The following GPM6A variants were observed in gnomAD, a reference collection of about 807,000 sequenced individuals.
GPM6A encodes neuronal membrane glycoprotein M6-a.
GPM6A carries 7 observed loss-of-function variants against 32.1 expected under a neutral mutation model. The observed-to-expected ratio is 0.22, with a 90% CI of 0.12 to 0.41. GPM6A has a LOEUF of 0.41. GPM6A is among the 10% of genes least tolerant of loss of function. GPM6A has a pLI of 1.00. For missense variants in GPM6A, 235 were observed against 347.2 expected (o/e 0.68, Z 2.57); for synonymous variants, 130 against 123.4 (o/e 1.05, Z -0.35).
chr4:175,678,977 T>G (rs1182495219), intron 2 of GPM6A, among the ~76,000 whole-genome samples: 1 of 152,180 alleles, frequency 6.6e-6, no homozygotes, highest in East Asian at 1.9e-4. Context: ...ATAGAGAACA[T>G]CTTCACAGTG....
At chr4:175,819,455 T>C (rs181309085) in intron 1 of GPM6A, among the ~76,000 whole-genome samples, 4 of 152,180 alleles carry the variant, frequency 2.6e-5, no homozygotes, top group Admixed American at 6.5e-5. Flanking sequence ...CAAAGTATGA[T>C]AGGTGCAATT....
chr4:175,710,100 C>A (rs1745447818), intron 1 of GPM6A, among the ~76,000 whole-genome samples: 1 of 152,120 alleles, frequency 6.6e-6, no homozygotes, highest in Non-Finnish European at 1.5e-5. Context: ...TAATGACTAT[C>A]ATAATAAGTA....
At position 175,853,685 on chromosome 4, in the gene GPM6A, A is replaced by C. The variant is rs1281414983; in HGVS notation, c.-22-41436T>G. Reference sequence around the variant, plus strand: ...TCAAAACAAAAAAGGAAAGGAAAATACCCAACAAATAAGAGTTGTGGCAAC... The same window carrying C: ...TCAAAACAAAAAAGGAAAGGAAAATCCCCAACAAATAAGAGTTGTGGCAAC... On this transcript the variant is annotated intron_variant, in intron 1 of 7. Coordinates refer to the GPM6A transcript ENST00000280187. 2.6e-5 allele frequency among the ~76,000 whole-genome samples: 4 copies of C among 152,056 alleles called. No individual in the cohort carries two copies. The South Asian group carries it at 8.3e-4, about 31-fold the overall frequency.
chr4:175,923,106 T>C (rs924898531), intron 1 of GPM6A, among the ~76,000 whole-genome samples: 5 of 151,520 alleles, frequency 3.3e-5, no homozygotes, highest in African/African-American at 1.2e-4. Flanking sequence ...TTTATAAATC[T>C]TTTTCTAGAA....
At chr4:175,686,724 A>G (rs1444686445) in intron 2 of GPM6A, among the ~76,000 whole-genome samples, 1 of 152,236 alleles carries the variant, frequency 6.6e-6, no homozygotes, top group African/African-American at 2.4e-5. Flanking sequence ...TTAAGCCAAC[A>G]GTTTGTGGCT....
intron 1 of GPM6A, among the ~76,000 whole-genome samples, chr4:175,847,274 C>T (rs901208040): frequency 6.6e-6 from 1 of 152,142 alleles, no homozygotes; most frequent in African/African-American, 2.4e-5. Flanking sequence ...GCTCAGAGTA[C>T]AGTAATTTCA....
chr4:175,948,747 G>T (rs868763180), intron 1 of GPM6A, among the ~76,000 whole-genome samples: 1 of 143,198 alleles, frequency 7.0e-6, no homozygotes, highest in East Asian at 1.9e-4. Flanking sequence ...CCTTCTGCAG[G>T]AATCCTGAAA....
chr4:175,965,540 A>C (rs1225577733), intron 1 of GPM6A, among the ~76,000 whole-genome samples: 1 of 152,148 alleles, frequency 6.6e-6, no homozygotes, highest in Non-Finnish European at 1.5e-5. Context: ...ATACACCTCT[A>C]GTTAGGTTAA....
chr4:175,892,016 C>T (rs2111477513), intron 1 of GPM6A, among the ~76,000 whole-genome samples: 1 of 152,294 alleles, frequency 6.6e-6, no homozygotes, highest in Admixed American at 6.5e-5. Context: ...TGTGTGTTGA[C>T]ACAGACTCAA....
At chr4:175,637,696 T>C (rs1323063357) in intron 6 of GPM6A, among the ~76,000 whole-genome samples, 1 of 1,864 alleles carries the variant, frequency 5.4e-4, no homozygotes, top group African/African-American at 1.6e-3. Context: ...ATATATAATA[T>C]ATTATATATT....
At chr4:175,668,052 A>G (rs1454755804) in intron 3 of GPM6A, among the ~76,000 whole-genome samples, 1 of 152,182 alleles carries the variant, frequency 6.6e-6, no homozygotes, top group East Asian at 1.9e-4. Context: ...TAGATGCTTT[A>G]CACAGTTTTC....
At chr4:175,976,307 G>A (rs1246254852) in intron 1 of GPM6A, among the ~76,000 whole-genome samples, 3 of 148,094 alleles carry the variant, frequency 2.0e-5, no homozygotes, top group Admixed American at 6.7e-5. Flanking sequence ...GGCTGCAGGC[G>A]CCTGCCACCA....
At chr4:175,793,129 G>T (rs975439601) in intron 1 of GPM6A, among the ~76,000 whole-genome samples, 1 of 152,170 alleles carries the variant, frequency 6.6e-6, no homozygotes, top group African/African-American at 2.4e-5. Flanking sequence ...AGCTAGTACA[G>T]ATGAGCCTAC....
intron 1 of GPM6A, among the ~76,000 whole-genome samples, chr4:175,949,031 T>A (rs1739712347): frequency 6.6e-6 from 1 of 151,676 alleles, no homozygotes; most frequent in South Asian, 2.1e-4. Context: ...TAGATTTGGA[T>A]ATCTCTTTTC....
chr4:175,785,217 C>T lies in GPM6A; in HGVS notation c.37+26974G>A, dbSNP rs145839471. Among the ~76,000 whole-genome samples, 1,511 of 152,250 alleles carry T rather than the reference C, an allele frequency of 9.9e-3. 17 individuals carry two copies. The highest frequency in any genetic ancestry group is 0.017 in the Non-Finnish European group (1,159 of 68,004). ...CATGCTATGAAAAGTTCAAATTCCA[C>T]GCAGAGGCCACACCTGGGAATTCTG... is the stretch of plus-strand genomic sequence containing the variant. On this transcript the variant is annotated intron_variant, in intron 1 of 6. Transcript: ENST00000393658.
chr4:175,984,023 T>TCACACACA (rs138248018), intron 1 of GPM6A, among the ~76,000 whole-genome samples: 5 of 150,196 alleles, frequency 3.3e-5, no homozygotes, highest in African/African-American at 1.2e-4. Flanking sequence ...TCTCTCTCTG[T>TCACACACA]CACACACACA....
chr4:175,950,679 T>C (rs1739778412), intron 1 of GPM6A, among the ~76,000 whole-genome samples: 1 of 152,138 alleles, frequency 6.6e-6, no homozygotes, highest in African/African-American at 2.4e-5. Context: ...CTGAGTGTGC[T>C]GGCAGGGGAA....
intron 3 of GPM6A, among the ~76,000 whole-genome samples, chr4:175,661,556 A>G (rs778363894): frequency 2.0e-4 from 30 of 152,278 alleles, no homozygotes; most frequent in Middle Eastern, 6.8e-3. Flanking sequence ...AGGTGTTTCC[A>G]TTGTTTGAAA....
chr4:175,753,420 T>C (rs1403045104), intron 1 of GPM6A, among the ~76,000 whole-genome samples: 3 of 152,004 alleles, frequency 2.0e-5, no homozygotes, highest in Admixed American at 2.0e-4. Context: ...AATAAAAATA[T>C]CAAAGCAAAA....
Sources: gnomAD v4.1 joint callset for allele counts (sites outside exome capture counted in the v4.1 genomes callset) on GRCh38, gnomAD v4.1.1 for gene constraint, MANE v1.5 for transcripts, NCBI Gene and HGNC (gene_info 2026-07-23, HGNC 2026-07-21) for gene names.